Variants in ENTPD7 observed in about 807,000 individuals in gnomAD.
The protein encoded by ENTPD7 is ectonucleoside triphosphate diphosphohydrolase 7, also known as NTPDase 7.
A neutral mutation model predicts 77.9 loss-of-function variants in ENTPD7; 53 were observed. The observed-to-expected ratio is 0.68, with a 90% CI of 0.55 to 0.85. The LOEUF (loss-of-function observed/expected upper bound fraction) is 0.85, where lower values mean the gene tolerates loss of function less well. Among genes scored for constraint, ENTPD7 ranks in the 40% least tolerant of loss-of-function variants. The pLI is 0.00. For missense variants in ENTPD7, 636 were observed against 743.7 expected (o/e 0.86, Z 1.68); for synonymous variants, 248 against 274.9 (o/e 0.90, Z 0.97).
At chr10:99,684,095 G>T (rs900623077) in intron 5 of ENTPD7, among the ~76,000 whole-genome samples, 27 of 152,030 alleles carry the variant, frequency 1.8e-4, no homozygotes, top group Non-Finnish European at 4.0e-4. Flanking sequence ...TCCCTCTATC[G>T]CCCAGGCTGG....
intron 3 of ENTPD7, among the ~76,000 whole-genome samples, chr10:99,669,752 T>TG (rs1278017088): frequency 1.1e-4 from 14 of 128,304 alleles, no homozygotes; most frequent in South Asian, 2.8e-4. Flanking sequence ...TTTTTTTTTT[T>TG]TTTTTTTTTT....
In ENTPD7 at chr10:99,706,404, T is replaced by C. The variant is rs1341655901; in HGVS notation, c.*1721T>C. The stretch of plus-strand genomic sequence containing the variant: ...GCTGGAGTGCAGTTGTGCAACATCA[T>C]GGCTCACCGCAGCCTCAACCTCCTG... On this transcript the variant is annotated 3_prime_UTR_variant, in exon 13 of 13. Coordinates refer to ENST00000370489, the MANE Select transcript of ENTPD7 (RefSeq NM_020354.5). Among the ~76,000 whole-genome samples the C allele has an allele frequency of 6.6e-6, 1 of 151,906 alleles. No individual in the cohort carries two copies. Among genetic ancestry groups the C allele is most frequent in the Non-Finnish European group, 1.5e-5 (1 of 67,986 alleles).
chr10:99,660,755 C>G (rs2035473593), intron 2 of ENTPD7, among the ~76,000 whole-genome samples: 1 of 152,050 alleles, frequency 6.6e-6, no homozygotes, highest in Admixed American at 6.6e-5. Flanking sequence ...AACCCGGTCT[C>G]TACTAAAAAT....
intron 2 of ENTPD7, among the ~76,000 whole-genome samples, chr10:99,661,215 C>T (rs942075560): frequency 3.3e-5 from 5 of 152,138 alleles, no homozygotes; most frequent in Non-Finnish European, 7.4e-5. Context: ...GAGATTAAGT[C>T]TTTGAATTGC....
At chr10:99,660,512 G>A (rs1369345754) in intron 2 of ENTPD7, 2 of 442,136 alleles carry the variant, frequency 4.5e-6, no homozygotes, top group African/African-American at 2.2e-5. Context: ...GTGTAAAACC[G>A]AGGGAATGGA....
intron 10 of ENTPD7, 51 bp from the exon 11 acceptor site, chr10:99,700,920 TAG>T (rs1447155538): frequency 7.0e-7 from 1 of 1,428,598 alleles, no homozygotes; most frequent in Non-Finnish European, 9.9e-7. Flanking sequence ...GTGGGGAAGG[TAG>T]AGAGTTTGCC....
chr10:99,666,785 G>A (rs2035555804), intron 3 of ENTPD7, among the ~76,000 whole-genome samples: 1 of 152,202 alleles, frequency 6.6e-6, no homozygotes, highest in Admixed American at 6.5e-5. Context: ...TTATAATAAA[G>A]TATTGAATAT....
chr10:99,693,220 G>A (rs2133483451), intron 8 of ENTPD7, among the ~76,000 whole-genome samples: 1 of 152,332 alleles, frequency 6.6e-6, no homozygotes, highest in Middle Eastern at 3.4e-3. Flanking sequence ...ATTGTCCTGA[G>A]AGATCTGGAT....
At position 99,695,962 on chromosome 10, in the gene ENTPD7, G is replaced by T. The variant is rs772540029; in HGVS notation, c.850G>T (p.Ala284Ser). 1.2e-6 allele frequency: 2 copies of T among 1,612,544 alleles called. No homozygotes were observed. The highest frequency in any genetic ancestry group is 1.1e-5 in the South Asian group (1 of 90,730). Residue 284 changes from alanine to serine, a missense_variant, in exon 9 of 13, where the codon GCT becomes TCT. By Grantham distance (99) the Ala-to-Ser change is moderately conservative. Coordinates refer to ENST00000370489, the MANE Select transcript of ENTPD7 (RefSeq NM_020354.5). Reference sequence around the variant, plus strand: ...TCTTGGTATTGTATTATAGGAAGAAGCTGCCAAGATCCTGCTGGCTGAGTT... The same window carrying T: ...TCTTGGTATTGTATTATAGGAAGAATCTGCCAAGATCCTGCTGGCTGAGTT... ...TSVLPAKQEEAAKILLAEFNL... is the reference protein window; with the variant it reads ...TSVLPAKQEESAKILLAEFNL...
chr10:99,698,624 C>G lies in ENTPD7; in HGVS notation c.1101C>G (p.Asn367Lys). 1.2e-6 allele frequency: 2 copies of G among 1,614,196 alleles called. No homozygotes were observed. Among genetic ancestry groups the G allele is most frequent in the Non-Finnish European group, 8.5e-7 (1 of 1,180,048 alleles). The change falls in exon 10 of 13, where the codon AAC becomes AAG. Residue 367 changes from asparagine (N) to lysine (K), a missense_variant. Around this residue, in one of 3 missense-constraint regions of ENTPD7, gnomAD observed 486 missense variants for 556.5 expected, o/e 0.87. Transcript: ENST00000370489. ...GACTCACAGATGTGGTGGAGAGGAACAGCCAAGTCTTACATGTCCGAGGAA... is the reference window on the plus strand; with the variant it reads ...GACTCACAGATGTGGTGGAGAGGAAGAGCCAAGTCTTACATGTCCGAGGAA... Reference protein sequence around the residue: ...PVGLTDVVERNSQVLHVRGRG... With the variant: ...PVGLTDVVERKSQVLHVRGRG...
At chr10:99,700,414 A>ATATGTG (rs2036093185) in intron 10 of ENTPD7, among the ~76,000 whole-genome samples, 2 of 9,792 alleles carry the variant, frequency 2.0e-4, no homozygotes, top group Non-Finnish European at 5.4e-4. Flanking sequence ...GTGTGTGTGT[A>ATATGTG]TGTGTGTGTG....
At chr10:99,682,165 T>C (rs2035761874) in intron 5 of ENTPD7, among the ~76,000 whole-genome samples, 1 of 151,870 alleles carries the variant, frequency 6.6e-6, no homozygotes, top group South Asian at 2.1e-4. Flanking sequence ...GGTATTTCCT[T>C]ATTAGCTTAA....
intron 7 of ENTPD7, among the ~76,000 whole-genome samples, chr10:99,690,412 A>G (rs2035865219): frequency 6.6e-6 from 1 of 152,168 alleles, no homozygotes; most frequent in African/African-American, 2.4e-5. Context: ...TCTGACTCAT[A>G]TGTAAGATTA....
intron 7 of ENTPD7, among the ~76,000 whole-genome samples, chr10:99,690,176 A>G (rs561317866): frequency 1.3e-3 from 202 of 152,340 alleles, no homozygotes; most frequent in African/African-American, 4.3e-3. Context: ...ACAGCAATGT[A>G]TTCCAGGGTC....
rs917181556 is a variant in ENTPD7, at chr10:99,704,905, G to A, written c.*222G>A. On this transcript the variant is annotated 3_prime_UTR_variant, in exon 13 of 13. Coordinates refer to ENST00000370489, the MANE Select transcript of ENTPD7 (RefSeq NM_020354.5). ...AGGAACTAAATGACAGGAGATTGGT[G>A]CTAATACGGGGGACCAAGCTTTGTC... The A allele has an allele frequency of 8.8e-6, 5 of 565,850 alleles. No homozygotes were observed. The African/African-American group carries it at 9.4e-5, about 11-fold the overall frequency. 35.1% of individuals were successfully genotyped at this position (565,850 alleles called of 1,614,324 possible).
chr10:99,670,149 AT>A (rs2035603594), intron 3 of ENTPD7, among the ~76,000 whole-genome samples: 1 of 152,162 alleles, frequency 6.6e-6, no homozygotes, highest in African/African-American at 2.4e-5. Context: ...CCATTTATTC[AT>A]TTATCTGTTT....
intron 3 of ENTPD7, among the ~76,000 whole-genome samples, chr10:99,664,395 GGA>G (rs1342117362): frequency 6.6e-6 from 1 of 151,808 alleles, no homozygotes; most frequent in Admixed American, 6.6e-5. Flanking sequence ...CAAAATGCTG[GGA>G]TTACAGATGT....
At chr10:99,667,311 G>A (rs759184111) in intron 3 of ENTPD7, among the ~76,000 whole-genome samples, 2 of 152,184 alleles carry the variant, frequency 1.3e-5, no homozygotes, top group East Asian at 3.8e-4. Flanking sequence ...TTGAGGGTTT[G>A]CTGTGTCGAT....
chr10:99,701,053 A>T lies in ENTPD7; in HGVS notation c.1416A>T (p.Arg472=). Residue 472 remains arginine (R), a synonymous_variant, in exon 11 of 13, where the codon CGA becomes CGT. Transcript: ENST00000370489. ...TTTCATCACATGCAGATGAGCATCG[A>T]CTCAAGTAAGTTACTTCCCTTTCCT... is the stretch of plus-strand genomic sequence containing the variant. ...GLFSSHADEH[R]LKYQCFKSAW... is the part of the protein sequence containing the mutation. 6.2e-7 allele frequency: 1 copy of T among 1,613,714 alleles called. No homozygotes were observed.
Sources: gnomAD v4.1 joint callset for allele counts (sites outside exome capture counted in the v4.1 genomes callset) on GRCh38, gnomAD v4.1.1 for gene constraint, gnomAD v4.1.1 regional missense constraint, MANE v1.5 for transcripts, NCBI Gene and HGNC (gene_info 2026-07-23, HGNC 2026-07-21) for gene names.